Variants in SMYD3 observed in about 807,000 individuals in gnomAD.
SMYD3 encodes SET and MYND domain containing 3.
SMYD3 carries 36 observed loss-of-function variants against 57.7 expected under a neutral mutation model. The ratio of observed to expected loss-of-function variants is 0.62; its 90% CI spans 0.48 to 0.82. The LOEUF (loss-of-function observed/expected upper bound fraction) is 0.82, where lower values mean the gene tolerates loss of function less well. Among genes scored for constraint, SMYD3 ranks in the 40% least tolerant of loss-of-function variants. SMYD3 has a pLI of 0.00. For synonymous variants in SMYD3, 211 were observed against 195.0 expected (o/e 1.08, Z -0.68); for missense variants, 515 against 538.8 (o/e 0.96, Z 0.44).
intron 11 of SMYD3, among the ~76,000 whole-genome samples, chr1:245,750,747 G>C (rs560027570): frequency 6.6e-6 from 1 of 152,218 alleles, no homozygotes; most frequent in East Asian, 1.9e-4. Flanking sequence ...GGGGTGGACT[G>C]GGGAGAAGGG....
chr1:246,335,358 T>C lies in SMYD3; in HGVS notation c.336+9A>G. On this transcript the variant is annotated intron_variant, in intron 3 of 11. Coordinates refer to ENST00000490107, the MANE Select transcript of SMYD3 (RefSeq NM_001167740.2). ...AAACCCAGCTATATTTCATGAGTTTTATACTCACAAGTTTGAAGACAACTC... is the reference window on the plus strand; with the variant it reads ...AAACCCAGCTATATTTCATGAGTTTCATACTCACAAGTTTGAAGACAACTC... 6.2e-7 allele frequency: 1 copy of C among 1,612,348 alleles called. No individual in the cohort carries two copies. The highest frequency in any genetic ancestry group is 8.5e-7 in the Non-Finnish European group (1 of 1,178,362).
intron 5 of SMYD3, among the ~76,000 whole-genome samples, chr1:246,227,994 C>G (rs79410631): frequency 8.5e-6 from 1 of 118,192 alleles, no homozygotes; most frequent in South Asian, 3.3e-4. Context: ...CAAAGTCTCA[C>G]TCCATCACCC....
rs570501097 is a variant in SMYD3, at chr1:246,505,563, C to A, written c.164+1491G>T. Reference sequence around the variant, plus strand: ...CCCCAGCTACTTTTGCAGTGCAATCCTAACTTGGTTCAGCCGATGCCCAGT... The same window carrying A: ...CCCCAGCTACTTTTGCAGTGCAATCATAACTTGGTTCAGCCGATGCCCAGT... On this transcript the variant is annotated intron_variant, in intron 1 of 11. Coordinates refer to ENST00000490107, the MANE Select transcript of SMYD3 (RefSeq NM_001167740.2). 1.0e-4 allele frequency among the ~76,000 whole-genome samples: 12 copies of A among 115,554 alleles called. No homozygotes were observed. In the South Asian group the frequency reaches 2.7e-3, roughly 26 times the overall value. The allele number at this position is 115,554 out of a possible 152,430, so 75.8% of individuals were successfully genotyped here. A position where few individuals can be genotyped will look rare whatever the true frequency, so the allele number is the denominator to read the frequency against.
At chr1:246,191,693 AC>A (rs2062741090) in intron 5 of SMYD3, among the ~76,000 whole-genome samples, 1 of 152,236 alleles carries the variant, frequency 6.6e-6, no homozygotes, top group Admixed American at 6.5e-5. Context: ...TACCTGTTCA[AC>A]CATTAATTCA....
At chr1:245,969,743 G>A (rs893836281) in intron 5 of SMYD3, among the ~76,000 whole-genome samples, 1 of 152,066 alleles carries the variant, frequency 6.6e-6, no homozygotes, top group African/African-American at 2.4e-5. Context: ...AACTACATTA[G>A]GAAAAGAGAA....
chr1:246,449,709 G>A (rs1444106716), intron 1 of SMYD3, among the ~76,000 whole-genome samples: 1 of 151,110 alleles, frequency 6.6e-6, no homozygotes, highest in Non-Finnish European at 1.5e-5. Flanking sequence ...GCTGCCCTAA[G>A]AAGAGAAAAT....
At chr1:245,947,494 C>A (rs534080981) in intron 5 of SMYD3, 14 of 451,290 alleles carry the variant, frequency 3.1e-5, no homozygotes, top group Non-Finnish European at 6.3e-5. Flanking sequence ...ATCAGGGATT[C>A]AGTTGCTTTA....
intron 5 of SMYD3, among the ~76,000 whole-genome samples, chr1:246,014,282 A>G (rs1351630926): frequency 6.6e-6 from 1 of 152,230 alleles, no homozygotes; most frequent in African/African-American, 2.4e-5. Flanking sequence ...AGATTGCGGC[A>G]TTGCACTCCA....
At chr1:245,913,580 T>A (rs1463405171) in intron 8 of SMYD3, among the ~76,000 whole-genome samples, 1 of 149,562 alleles carries the variant, frequency 6.7e-6, no homozygotes, top group African/African-American at 2.5e-5. Flanking sequence ...ATTTTATGGC[T>A]AAGACCACAA....
chr1:246,198,258 T>C (rs1474733437), intron 5 of SMYD3, among the ~76,000 whole-genome samples: 1 of 152,186 alleles, frequency 6.6e-6, no homozygotes, highest in African/African-American at 2.4e-5. Flanking sequence ...TGGACCCCCA[T>C]TCACAGTCAA....
At chr1:246,356,742 A>G (rs1434332283) in intron 1 of SMYD3, among the ~76,000 whole-genome samples, 1 of 152,222 alleles carries the variant, frequency 6.6e-6, no homozygotes, top group Middle Eastern at 3.2e-3. Context: ...CATCAAAGAC[A>G]AAGAAAAAAG....
At chr1:246,446,246 A>G (rs1381276167) in intron 1 of SMYD3, among the ~76,000 whole-genome samples, 1 of 152,230 alleles carries the variant, frequency 6.6e-6, no homozygotes, top group Non-Finnish European at 1.5e-5. Context: ...GAAGCAGAAT[A>G]TATCACTACA....
At position 246,375,325 on chromosome 1, in the gene SMYD3, C is replaced by CT. The variant is rs60882470; in HGVS notation, c.165-20232dup. Among the ~76,000 whole-genome samples, 143 of 62,266 alleles carry CT rather than the reference C, an allele frequency of 2.3e-3. 2 individuals are homozygous for CT. The highest frequency in any genetic ancestry group is 5.6e-3 in the African/African-American group (98 of 17,368). 40.8% of individuals were successfully genotyped at this position (62,266 alleles called of 152,430 possible). A position where few individuals can be genotyped will look rare whatever the true frequency, so the allele number is the denominator to read the frequency against. On this transcript the variant is annotated intron_variant, in intron 1 of 11. Coordinates refer to ENST00000490107, the MANE Select transcript of SMYD3 (RefSeq NM_001167740.2). ...AATGAACTACATTTCTAATGAGAGA[C>CT]TTTTTTTTTTTTTTTTTTTTTTTTT...
chr1:246,179,072 T>C (rs568613368), intron 5 of SMYD3: 1 of 154,082 alleles, frequency 6.5e-6, no homozygotes, highest in Admixed American at 6.5e-5. Context: ...CAAGAATGTA[T>C]ACAGAAATAC....
At chr1:245,921,251 T>G (rs1410051174) in intron 7 of SMYD3, among the ~76,000 whole-genome samples, 1 of 152,158 alleles carries the variant, frequency 6.6e-6, no homozygotes. Flanking sequence ...CCAGTCAGAA[T>G]GGCTATTACT....
At chr1:246,412,620 C>A (rs2066994751) in intron 1 of SMYD3, among the ~76,000 whole-genome samples, 2 of 151,704 alleles carry the variant, frequency 1.3e-5, no homozygotes, top group South Asian at 4.2e-4. Flanking sequence ...ACACTTTGGG[C>A]AGCCGAGGCA....
intron 5 of SMYD3, among the ~76,000 whole-genome samples, chr1:246,128,375 C>CAG (rs1296490921): frequency 6.6e-6 from 1 of 152,186 alleles, no homozygotes; most frequent in Non-Finnish European, 1.5e-5. Flanking sequence ...GTTCACTATA[C>CAG]AGTCCAGCAT....
At chr1:246,347,644 A>G (rs1572405474) in intron 2 of SMYD3, among the ~76,000 whole-genome samples, 1 of 152,182 alleles carries the variant, frequency 6.6e-6, no homozygotes. Context: ...TGACTCAGCC[A>G]TGAAGGCTCT....
intron 5 of SMYD3, among the ~76,000 whole-genome samples, chr1:246,163,389 T>C (rs1459862432): frequency 6.6e-6 from 1 of 152,216 alleles, no homozygotes; most frequent in East Asian, 1.9e-4. Context: ...AGAGATTGTA[T>C]TGCTCTTTAA....
Sources: allele counts gnomAD v4.1 joint callset (sites outside exome capture counted in the v4.1 genomes callset), GRCh38; gene constraint gnomAD v4.1.1; transcripts MANE v1.5; gene names NCBI Gene and HGNC (gene_info 2026-07-23, HGNC 2026-07-21).